TBX5: variants seen among roughly 807,000 people sequenced by gnomAD.
TBX5 encodes the protein T-box transcription factor TBX5.
In TBX5, 8 loss-of-function variants were observed where a neutral mutation model predicts 51.1. The observed-to-expected ratio is 0.16, with a 90% CI of 0.09 to 0.28. The LOEUF (loss-of-function observed/expected upper bound fraction) is 0.28, where lower values mean the gene tolerates loss of function less well. TBX5 is among the 10% of genes least tolerant of loss of function. The pLI is 1.00. For missense variants in TBX5, 589 were observed against 671.7 expected, an observed-to-expected ratio of 0.88 and a Z score of 1.36; for synonymous variants, 302 against 266.4, an observed-to-expected ratio of 1.13 and a Z score of -1.30.
At chr12:114,365,110 C>T (rs1205775262) in intron 8 of TBX5, among the ~76,000 whole-genome samples, 8 of 150,652 alleles carry the variant, frequency 5.3e-5, no homozygotes, top group East Asian at 3.9e-4. Flanking sequence ...AAGAAAACTG[C>T]GGAATGCCTC....
At chr12:114,381,781 C>G (rs1870518028) in intron 7 of TBX5, among the ~76,000 whole-genome samples, 1 of 152,184 alleles carries the variant, frequency 6.6e-6, no homozygotes, top group South Asian at 2.1e-4. Flanking sequence ...CTTTCTCCTT[C>G]CCCAAGGACA....
chr12:114,399,766 C>A (rs1871682901), intron 3 of TBX5, 134 bp from the exon 4 acceptor site: 14 of 1,406,476 alleles, frequency 1.0e-5, no homozygotes, highest in Non-Finnish European at 1.4e-5. Context: ...GTTCCGCTCT[C>A]CGCAAGATCC....
chr12:114,404,382 C>A lies in TBX5; in HGVS notation c.-38-446G>T, dbSNP rs561327587. On this transcript the variant is annotated intron_variant, in intron 1 of 8. Coordinates refer to ENST00000405440, the MANE Select transcript of TBX5 (RefSeq NM_181486.4). ...GAGAATTTCTTTCTTCGCCAAATTA[C>A]AAGATGCCGTCGAAACTCTTTTTAT... Among the ~76,000 whole-genome samples, 4 of 152,252 alleles carry A rather than the reference C, an allele frequency of 2.6e-5. No individual in the cohort carries two copies. The East Asian group carries it at 7.8e-4, about 30-fold the overall frequency.
At chr12:114,370,353 A>G (rs1330969805) in intron 7 of TBX5, among the ~76,000 whole-genome samples, 2 of 152,108 alleles carry the variant, frequency 1.3e-5, no homozygotes, top group Non-Finnish European at 2.9e-5. Context: ...AAGAAAAGAA[A>G]GAAAAGAAAA....
intron 8 of TBX5, among the ~76,000 whole-genome samples, chr12:114,359,698 C>A (rs1477108173): frequency 6.6e-6 from 1 of 152,120 alleles, no homozygotes; most frequent in East Asian, 1.9e-4. Flanking sequence ...GTAATGCATC[C>A]AAGGCACAGA....
chr12:114,363,213 C>T (rs571164154), intron 8 of TBX5, among the ~76,000 whole-genome samples: 1 of 152,272 alleles, frequency 6.6e-6, no homozygotes, highest in South Asian at 2.1e-4. Flanking sequence ...AAACAACTTG[C>T]CCCTGGGCAC....
intron 8 of TBX5, among the ~76,000 whole-genome samples, chr12:114,356,990 C>CGATGGATG (rs60572224): frequency 0.034 from 4,827 of 143,274 alleles, 217 homozygotes; most frequent in African/African-American, 0.098. Flanking sequence ...AATATTTGTA[C>CGATGGATG]GATGGATGGA....
chr12:114,400,779 C>T (rs1280046390), intron 3 of TBX5, among the ~76,000 whole-genome samples: 1 of 152,228 alleles, frequency 6.6e-6, no homozygotes, highest in African/African-American at 2.4e-5. Context: ...ATAAACAGAA[C>T]GCGCCTCCTA....
chr12:114,384,744 C>CACACACAA (rs764775556), intron 7 of TBX5, among the ~76,000 whole-genome samples: 1 of 62,560 alleles, frequency 1.6e-5, no homozygotes, highest in East Asian at 3.1e-4. Context: ...CACACACACA[C>CACACACAA]AACACACACA....
intron 4 of TBX5, 52 bp from the exon 5 acceptor site, chr12:114,398,772 G>A (rs1871597372): frequency 6.4e-7 from 1 of 1,567,288 alleles, no homozygotes; most frequent in Non-Finnish European, 8.7e-7. Flanking sequence ...TGGAGGTAGC[G>A]CACTGCACCG....
intron 5 of TBX5, among the ~76,000 whole-genome samples, chr12:114,397,561 T>C (rs748506155): frequency 2.3e-4 from 35 of 152,224 alleles, no homozygotes; most frequent in Non-Finnish European, 4.7e-4. Context: ...TGTTTTGTTT[T>C]TCTTTGGGGA....
intron 7 of TBX5, among the ~76,000 whole-genome samples, chr12:114,380,676 A>G (rs141224962): frequency 6.7e-4 from 102 of 152,262 alleles, no homozygotes; most frequent in African/African-American, 2.4e-3. Flanking sequence ...CGTCGCTACA[A>G]AAAATTAGCT....
At chr12:114,366,487 CACAGAAT>C (rs1180947470) in intron 7 of TBX5, 96 bp from the exon 8 acceptor site, 1 of 1,248,434 alleles carries the variant, frequency 8.0e-7, no homozygotes, top group Admixed American at 1.8e-5. Flanking sequence ...CCAGAAAAGT[CACAGAAT>C]AAGGAAAAAA....
Position 114,354,213 on chromosome 12 carries a change from A to C in TBX5, c.*1319T>G, listed in dbSNP as rs866303150. The C allele has an allele frequency of 2.6e-5, 4 of 152,598 alleles. No individual in the cohort carries two copies. Among genetic ancestry groups the C allele is most frequent in the South Asian group, 2.1e-4 (1 of 4,834 alleles). 9.5% of individuals were successfully genotyped at this position (152,598 alleles called of 1,614,324 possible). ...CGAAAGAGGAAAAAAACAAAAAAAA[A>C]CAAAAAAACACAAACTTGGTTTTGA... On this transcript the variant is annotated 3_prime_UTR_variant, in exon 9 of 9. Transcript: ENST00000405440.
chr12:114,383,204 A>G (rs1870609938), intron 7 of TBX5, among the ~76,000 whole-genome samples: 1 of 152,034 alleles, frequency 6.6e-6, no homozygotes, highest in Admixed American at 6.6e-5. Context: ...CCTGGGGGAG[A>G]CATGGGCTGA....
In TBX5 at chr12:114,355,489, CTCTCTT is replaced by C. The variant is rs112808902; in HGVS notation, c.*37_*42del. On this transcript the variant is annotated 3_prime_UTR_variant, in exon 9 of 9. Coordinates refer to ENST00000405440, the MANE Select transcript of TBX5 (RefSeq NM_181486.4). Reference sequence around the variant, plus strand: ...CCTTCTCTCTCTTTCTCCTCTCTCTCTCTCTTTCTCTAGGAAATGTCTGTTGTGAAG... The same window carrying C: ...CCTTCTCTCTCTTTCTCCTCTCTCTCTCTCTAGGAAATGTCTGTTGTGAAG... 9.3e-6 allele frequency: 15 copies of C among 1,607,522 alleles called. No individual in the cohort carries two copies. The highest frequency in any genetic ancestry group is 5.3e-5 in the African/African-American group (4 of 74,942).
intron 7 of TBX5, among the ~76,000 whole-genome samples, chr12:114,381,563 A>G (rs1870505581): frequency 6.6e-6 from 1 of 152,118 alleles, no homozygotes; most frequent in Non-Finnish European, 1.5e-5. Context: ...GGAATCAAGC[A>G]CTCTATAGGC....
intron 6 of TBX5, among the ~76,000 whole-genome samples, chr12:114,393,099 T>C (rs184776439): frequency 8.5e-5 from 13 of 152,252 alleles, no homozygotes; most frequent in African/African-American, 2.6e-4. Flanking sequence ...CCGGCCTCAG[T>C]TGGGGTATTC....
At chr12:114,380,166 T>G (rs1308735925) in intron 7 of TBX5, among the ~76,000 whole-genome samples, 2 of 152,150 alleles carry the variant, frequency 1.3e-5, no homozygotes, top group Non-Finnish European at 2.9e-5. Flanking sequence ...TAAAGCCTAC[T>G]CTGCCCCAGT....
Sources: gnomAD v4.1 joint callset for allele counts (sites outside exome capture counted in the v4.1 genomes callset) on GRCh38, gnomAD v4.1.1 for gene constraint, MANE v1.5 for transcripts, NCBI Gene and HGNC (gene_info 2026-07-23, HGNC 2026-07-21) for gene names.